NXPE4: variants seen among roughly 807,000 people sequenced by gnomAD.
NXPE4 encodes NXPE family member 4.
A neutral mutation model predicts 33.3 loss-of-function variants in NXPE4; 42 were observed. The ratio of observed to expected loss-of-function variants is 1.26; its 90% confidence interval spans 0.98 to 1.63. NXPE4 has a LOEUF of 1.63. NXPE4 is among the 40% of genes most tolerant of loss of function. The pLI is 0.00. For synonymous variants in NXPE4, 253 were observed against 234.9 expected, an observed-to-expected ratio of 1.08 and a Z score of -0.71; for missense variants, 709 against 647.6, an observed-to-expected ratio of 1.09 and a Z score of -1.03.
At chr11:114,600,636 G>A (rs923616553), upstream of NXPE4, among the ~76,000 whole-genome samples, 7 of 152,032 alleles carry the variant, frequency 4.6e-5, no homozygotes, top group African/African-American at 1.7e-4. Flanking sequence ...AAGGAGACAT[G>A]ATGACTAAAT....
At chr11:114,619,948 A>G in the NXPE4 span, among the ~76,000 whole-genome samples, 1 of 151,936 alleles carries the variant, frequency 6.6e-6, no homozygotes, top group Non-Finnish European at 1.5e-5. Context: ...CCGGTGGATA[A>G]TAAGTGTTGC....
the NXPE4 span, among the ~76,000 whole-genome samples, chr11:114,668,254 G>A: frequency 6.6e-6 from 1 of 152,020 alleles, no homozygotes; most frequent in East Asian, 1.9e-4. Context: ...AGGTACACTA[G>A]AGGGAGACTT....
chr11:114,601,841 T>C, the NXPE4 span, among the ~76,000 whole-genome samples: 1 of 61,588 alleles, frequency 1.6e-5, no homozygotes, highest in African/African-American at 7.8e-5. Context: ...ATTATATATA[T>C]AATATAAAAT....
chr11:114,632,702 A>G, the NXPE4 span, among the ~76,000 whole-genome samples: 1 of 78,780 alleles, frequency 1.3e-5, no homozygotes, highest in Non-Finnish European at 2.2e-5. Flanking sequence ...ATATATTTAT[A>G]TAATATAATA....
At chr11:114,668,792 G>A in the NXPE4 span, among the ~76,000 whole-genome samples, 1 of 152,046 alleles carries the variant, frequency 6.6e-6, no homozygotes, top group Non-Finnish European at 1.5e-5. Context: ...TTGGAATGGT[G>A]AAATAAGAAA....
intron 4 of NXPE4, among the ~76,000 whole-genome samples, chr11:114,581,243 G>A (rs1260255431): frequency 6.6e-6 from 1 of 152,096 alleles, no homozygotes; most frequent in Non-Finnish European, 1.5e-5. Context: ...GTAAATATAA[G>A]TGTGCAAGTT....
intron 2 of NXPE4, among the ~76,000 whole-genome samples, chr11:114,586,005 C>T (rs1565335747): frequency 1.3e-5 from 2 of 152,184 alleles, no homozygotes; most frequent in Non-Finnish European, 2.9e-5. Context: ...TAGAGTGGGA[C>T]AGCCAGCTTC....
chr11:114,574,204 G>C (rs935965731), intron 5 of NXPE4, among the ~76,000 whole-genome samples: 3 of 152,042 alleles, frequency 2.0e-5, no homozygotes, highest in Non-Finnish European at 4.4e-5. Flanking sequence ...CTGGGATACA[G>C]CAAAAGTGAT....
At chr11:114,626,334 T>C in the NXPE4 span, among the ~76,000 whole-genome samples, 6 of 152,304 alleles carry the variant, frequency 3.9e-5, no homozygotes, top group African/African-American at 1.2e-4. Context: ...GATCTGAGAA[T>C]GGGCAGACTG....
chr11:114,620,204 C>G, the NXPE4 span, among the ~76,000 whole-genome samples: 1 of 150,872 alleles, frequency 6.6e-6, no homozygotes, highest in African/African-American at 2.4e-5. Context: ...TGGATACTAA[C>G]TTTTGCCTGA....
the NXPE4 span, among the ~76,000 whole-genome samples, chr11:114,622,925 G>A: frequency 6.6e-5 from 10 of 152,190 alleles, no homozygotes; most frequent in South Asian, 2.1e-4. Context: ...TGGATAATAC[G>A]TATTGCCTCG....
chr11:114,627,201 C>A, the NXPE4 span, among the ~76,000 whole-genome samples: 158 of 152,008 alleles, frequency 1.0e-3, 1 homozygote, highest in Admixed American at 8.4e-3. Flanking sequence ...AAGAGCAACC[C>A]CAAGACACAT....
At chr11:114,613,963 G>A in the NXPE4 span, among the ~76,000 whole-genome samples, 3 of 151,762 alleles carry the variant, frequency 2.0e-5, no homozygotes, top group African/African-American at 7.3e-5. Context: ...CTGTTTACCG[G>A]TGGATAATAA....
the NXPE4 span, among the ~76,000 whole-genome samples, chr11:114,613,875 C>T: frequency 6.6e-6 from 1 of 151,924 alleles, no homozygotes. Context: ...ACCACTTTTG[C>T]CCTGTGGATA....
the NXPE4 span, among the ~76,000 whole-genome samples, chr11:114,664,248 A>G: frequency 1.3e-5 from 2 of 152,200 alleles, no homozygotes; most frequent in Non-Finnish European, 2.9e-5. Context: ...AAGAAAAAGA[A>G]CACAGACTAA....
At chr11:114,622,523 G>A in the NXPE4 span, among the ~76,000 whole-genome samples, 3 of 152,062 alleles carry the variant, frequency 2.0e-5, no homozygotes, top group Admixed American at 6.6e-5. Context: ...TGCCTCATGG[G>A]TAACCACTGT....
chr11:114,600,636 G>T (rs923616553), upstream of NXPE4, among the ~76,000 whole-genome samples: 1 of 152,032 alleles, frequency 6.6e-6, no homozygotes, highest in African/African-American at 2.4e-5. Flanking sequence ...AAGGAGACAT[G>T]ATGACTAAAT....
chr11:114,644,242 T>TTA, the NXPE4 span, among the ~76,000 whole-genome samples: 1 of 152,286 alleles, frequency 6.6e-6, no homozygotes, highest in African/African-American at 2.4e-5. Context: ...TCGAATACCT[T>TTA]TATTTCTTTC....
the NXPE4 span, among the ~76,000 whole-genome samples, chr11:114,651,703 T>G: frequency 1.3e-5 from 2 of 152,160 alleles, no homozygotes; most frequent in South Asian, 2.1e-4. Flanking sequence ...GAGTGTTGAT[T>G]GGTGTGTTTG....
Sources: gnomAD v4.1 joint callset for allele counts (sites outside exome capture counted in the v4.1 genomes callset) on GRCh38, gnomAD v4.1.1 for gene constraint, MANE v1.5 for transcripts, NCBI Gene and HGNC (gene_info 2026-07-23, HGNC 2026-07-21) for gene names.